XPO1: variants seen among roughly 807,000 people sequenced by gnomAD.
XPO1 encodes exportin 1.
In XPO1, 5 loss-of-function variants were observed where a neutral mutation model predicts 133.3. That is an observed-to-expected ratio of 0.04 (90% CI 0.02 to 0.08). The LOEUF (loss-of-function observed/expected upper bound fraction) is 0.08, where lower values mean the gene tolerates loss of function less well. XPO1 is among the 10% of genes least tolerant of loss of function. The pLI, the probability that XPO1 is intolerant of heterozygous loss-of-function variation, is 1.00. For missense variants in XPO1, 506 were observed against 1,267.5 expected (o/e 0.40, Z 9.12); for synonymous variants, 419 against 408.2 (o/e 1.03, Z -0.32).
chr2:61,494,650 G>T (rs1697151898), intron 11 of XPO1: 1 of 152,674 alleles, frequency 6.5e-6, no homozygotes, highest in Non-Finnish European at 1.5e-5. Context: ...GAACAAAGGA[G>T]AAAGTGACTG....
Position 61,492,819 on chromosome 2 carries a change from G to A in XPO1, c.1385-71C>T. On this transcript the variant is annotated intron_variant, in intron 13 of 24. Coordinates refer to ENST00000401558, the MANE Select transcript of XPO1 (RefSeq NM_003400.4). The surrounding 1 kb of genome is among the most constrained non-coding windows in gnomAD (Gnocchi z 5.6). The stretch of plus-strand genomic sequence containing the variant: ...TTATTGATGAGTAACAATACATTTA[G>A]AAAATATTTAGAAACTACAAGTACA... The A allele has an allele frequency of 6.4e-7, 1 of 1,562,354 alleles. No homozygotes were observed. The highest frequency in any genetic ancestry group is 2.2e-5 in the East Asian group (1 of 44,470).
At chr2:61,503,915 T>C (rs966404442) in intron 4 of XPO1, among the ~76,000 whole-genome samples, 5 of 152,160 alleles carry the variant, frequency 3.3e-5, no homozygotes, top group African/African-American at 4.8e-5. Context: ...CACAGTGGCT[T>C]ACTCCTGTAA....
chr2:61,509,894 TATTCCATAAGCTAAAAAAATGTAA>T (rs1698004371), intron 4 of XPO1, among the ~76,000 whole-genome samples: 1 of 152,228 alleles, frequency 6.6e-6, no homozygotes, highest in African/African-American at 2.4e-5. Context: ...AACATTTATT[TATTCCATAAGCTAAAAAAATGTAA>T]ATTTGGTACA....
At chr2:61,534,949 C>T (rs1033976365) in intron 1 of XPO1, among the ~76,000 whole-genome samples, 4 of 152,068 alleles carry the variant, frequency 2.6e-5, no homozygotes, top group Non-Finnish European at 5.9e-5. Flanking sequence ...GGCAATATGC[C>T]TAACAAGATT....
rs535832841 is a variant in XPO1 at position 61,529,439 on chromosome 2, C to T, written c.127-2918G>A. On this transcript the variant is annotated intron_variant, in intron 2 of 24. Transcript: ENST00000401558. ...TTGGGTGGCCAAGGTGGGTGGATCACGAGGTCAGAAGTTCAAGACCAGCCT... is the reference window on the plus strand; with the variant it reads ...TTGGGTGGCCAAGGTGGGTGGATCATGAGGTCAGAAGTTCAAGACCAGCCT... Among the ~76,000 whole-genome samples, 34 of 152,190 alleles carry T rather than the reference C, an allele frequency of 2.2e-4. No homozygotes were observed. The South Asian group carries it at 4.2e-3, about 19-fold the overall frequency.
chr2:61,506,469 C>T (rs1697819073), intron 4 of XPO1, among the ~76,000 whole-genome samples: 1 of 151,724 alleles, frequency 6.6e-6, no homozygotes, highest in African/African-American at 2.4e-5. Flanking sequence ...AGCAGTGGCT[C>T]ATGCCTGTAA....
Position 61,498,957 on chromosome 2 carries a change from G to A in XPO1, c.591-44C>T, listed in dbSNP as rs370937486. 1,489 of 1,526,944 alleles carry A rather than the reference G, an allele frequency of 9.8e-4. 6 individuals carry two copies. The highest frequency in any genetic ancestry group is 1.1e-3 in the Non-Finnish European group (1,268 of 1,136,828). 94.6% of individuals were successfully genotyped at this position (1,526,944 alleles called of 1,614,324 possible). ...AAAAATATCAGATTTAGAAGACACA[G>A]AAATAAGTATCAGTTATCTATAATA... is the stretch of plus-strand genomic sequence containing the variant. On this transcript the variant is annotated intron_variant, in intron 7 of 24. Coordinates refer to ENST00000401558, the MANE Select transcript of XPO1 (RefSeq NM_003400.4).
At position 61,491,994 on chromosome 2, in the gene XPO1, G is replaced by A. The variant is rs762037264; in HGVS notation, c.1887+41C>T. On this transcript the variant is annotated intron_variant, in intron 16 of 24. Transcript: ENST00000401558. Reference sequence around the variant, plus strand: ...TTGATACATACAGATTGATACAAGTGTTACTTTCTAAAAATAACATATGCT... The same window carrying A: ...TTGATACATACAGATTGATACAAGTATTACTTTCTAAAAATAACATATGCT... The A allele has an allele frequency of 1.1e-5, 17 of 1,604,992 alleles. 1 individual carries two copies. The Admixed American group carries it at 2.5e-4, about 24-fold the overall frequency.
intron 4 of XPO1, among the ~76,000 whole-genome samples, chr2:61,506,015 CTG>C (rs1697792472): frequency 6.6e-6 from 1 of 152,192 alleles, no homozygotes; most frequent in South Asian, 2.1e-4. Flanking sequence ...GCCCTAGAAA[CTG>C]TGATTGCCTA....
At chr2:61,493,775 A>T in intron 12 of XPO1, 119 bp downstream of exon 12, 1 of 1,073,512 alleles carries the variant, frequency 9.3e-7, no homozygotes. Flanking sequence ...ACACTCATGG[A>T]GAAGTTGTTG....
intron 16 of XPO1, 114 bp from the exon 17 acceptor site, chr2:61,490,890 C>G: frequency 7.8e-7 from 1 of 1,275,660 alleles, no homozygotes; most frequent in Admixed American, 2.2e-5. Context: ...TGCAGTGGAT[C>G]ACTCCTGTAA....
Position 61,496,897 on chromosome 2 carries a change from T to C in XPO1, c.870A>G (p.Thr290=). ...EEQFVTLFTL[T]MMQLKQMLPL... is the part of the protein sequence containing the mutation. ...ATATTACCTGCTTTAGTTGCATCAT[T>C]GTCAGAGTAAATAGTGTTACAAATT... Residue 290 remains threonine (T), a synonymous_variant, in exon 10 of 25, where the codon ACA becomes ACG. Coordinates refer to ENST00000401558, the MANE Select transcript of XPO1 (RefSeq NM_003400.4). 6.2e-7 allele frequency: 1 copy of C among 1,604,410 alleles called. No individual in the cohort carries two copies.
intron 17 of XPO1, among the ~76,000 whole-genome samples, chr2:61,489,529 A>G (rs896167024): frequency 6.6e-6 from 1 of 151,806 alleles, no homozygotes; most frequent in East Asian, 1.9e-4. Context: ...TTTTGTCTAC[A>G]TCTACTTAAG....
At chr2:61,528,652 C>CA (rs34466565) in intron 2 of XPO1, among the ~76,000 whole-genome samples, 124 of 117,080 alleles carry the variant, frequency 1.1e-3, no homozygotes, top group South Asian at 2.4e-3. Flanking sequence ...GACTCCCTCT[C>CA]AAAAAAAAAA....
At chr2:61,487,977 C>G (rs1212557940) in intron 19 of XPO1, among the ~76,000 whole-genome samples, 188 bp downstream of exon 19, 1 of 152,162 alleles carries the variant, frequency 6.6e-6, no homozygotes, top group African/African-American at 2.4e-5. Context: ...TGATTAACAG[C>G]AGTTTCTTTT....
chr2:61,537,454 C>T (rs1699402951), intron 1 of XPO1, 108 bp downstream of exon 1: 1 of 147,750 alleles, frequency 6.8e-6, no homozygotes, highest in African/African-American at 2.4e-5. Flanking sequence ...CGCCGCCTCC[C>T]GGGCTCGCTT....
intron 20 of XPO1, 193 bp from the exon 21 acceptor site, chr2:61,484,298 C>T (rs1052071337): frequency 3.9e-5 from 20 of 513,006 alleles, no homozygotes; most frequent in South Asian, 1.6e-4. Context: ...TGTCCCGTTA[C>T]GCACATGAGT....
intron 4 of XPO1, among the ~76,000 whole-genome samples, chr2:61,513,437 C>T (rs936443825): frequency 6.8e-6 from 1 of 146,610 alleles, no homozygotes; most frequent in Middle Eastern, 3.7e-3. Context: ...GTGATCTAGG[C>T]TTACTGCAGT....
chr2:61,492,246 G>C lies in XPO1; in HGVS notation c.1724-48C>G. ...TTATTTTGTCCTGGACTCCATCATGGGTCTCTAACAAGACAAAAACATTCA... is the reference window on the plus strand; with the variant it reads ...TTATTTTGTCCTGGACTCCATCATGCGTCTCTAACAAGACAAAAACATTCA... On this transcript the variant is annotated intron_variant, in intron 15 of 24. Transcript: ENST00000401558. The surrounding 1 kb of genome is among the most constrained non-coding windows in gnomAD (Gnocchi z 5.6). The C allele has an allele frequency of 6.3e-7, 1 of 1,595,456 alleles. No individual in the cohort carries two copies. Among genetic ancestry groups the C allele is most frequent in the Non-Finnish European group, 8.5e-7 (1 of 1,174,014 alleles).
Sources: allele counts gnomAD v4.1 joint callset (sites outside exome capture counted in the v4.1 genomes callset), GRCh38; gene constraint gnomAD v4.1.1; non-coding constraint Gnocchi (gnomAD v3.1); transcripts MANE v1.5; gene names NCBI Gene and HGNC (gene_info 2026-07-23, HGNC 2026-07-21).